Variants in DAB1 observed in about 807,000 individuals in gnomAD.
The protein encoded by DAB1 is DAB adaptor protein 1.
A neutral mutation model predicts 64.6 loss-of-function variants in DAB1; 15 were observed. The ratio of observed to expected loss-of-function variants is 0.23; its 90% CI spans 0.16 to 0.36. DAB1 has a LOEUF of 0.36. DAB1 is among the 10% of genes least tolerant of loss of function. The pLI, the probability that DAB1 is intolerant of heterozygous loss-of-function variation, is 1.00. For synonymous variants in DAB1, 235 were observed against 251.9 expected (o/e 0.93, Z 0.64); for missense variants, 596 against 706.7 (o/e 0.84, Z 1.78).
At chr1:58,084,495 A>G (rs970700930) in intron 5 of DAB1, 28 of 176,628 alleles carry the variant, frequency 1.6e-4, no homozygotes, top group African/African-American at 6.3e-4. Context: ...GTCCATGTAT[A>G]AAGAAATGCT....
At chr1:57,254,868 C>A (rs1669640812) in intron 2 of DAB1, among the ~76,000 whole-genome samples, 1 of 152,128 alleles carries the variant, frequency 6.6e-6, no homozygotes, top group East Asian at 1.9e-4. Flanking sequence ...CATACACACA[C>A]ACACACAATT....
At chr1:57,071,290 C>G in intron 6 of DAB1, 1 of 654,944 alleles carries the variant, frequency 1.5e-6, no homozygotes, top group Middle Eastern at 4.3e-4. Context: ...GGGTCCTCCA[C>G]CCCTGAAATC....
chr1:58,382,488 A>G (rs1380033838), intron 3 of DAB1, among the ~76,000 whole-genome samples: 6 of 152,242 alleles, frequency 3.9e-5, no homozygotes, highest in Non-Finnish European at 1.5e-5. Flanking sequence ...TGAATGATTC[A>G]TAGCCCTGAA....
rs574723098 is a variant in DAB1, at chr1:57,626,703, G to A, written n.625+22889C>T. Reference sequence around the variant, plus strand: ...CCAGCAGATTGGGTGTCTGGTGAGGGCCTGCTTCCTGCTTCACAGATAGCC... The same window carrying A: ...CCAGCAGATTGGGTGTCTGGTGAGGACCTGCTTCCTGCTTCACAGATAGCC... On this transcript the variant is annotated intron_variant and non_coding_transcript_variant, in intron 7 of 20. Transcript: ENST00000485760. Among the ~76,000 whole-genome samples, 3 of 152,248 alleles carry A rather than the reference G, an allele frequency of 2.0e-5. No individual in the cohort carries two copies. In the South Asian group the frequency reaches 6.2e-4, roughly 32 times the overall value.
intron 5 of DAB1, among the ~76,000 whole-genome samples, chr1:58,108,416 C>G (rs993653060): frequency 1.3e-5 from 2 of 152,194 alleles, no homozygotes; most frequent in Non-Finnish European, 2.9e-5. Flanking sequence ...ACAAAACTAA[C>G]AATAGTGGAT....
intron 7 of DAB1, among the ~76,000 whole-genome samples, chr1:57,500,148 G>C (rs1644274298): frequency 6.6e-6 from 1 of 152,216 alleles, no homozygotes; most frequent in South Asian, 2.1e-4. Context: ...TTCTGAATGA[G>C]AGATGTGGTC....
chr1:58,260,743 T>C (rs1479582130), intron 4 of DAB1, among the ~76,000 whole-genome samples: 1 of 152,196 alleles, frequency 6.6e-6, no homozygotes, highest in Non-Finnish European at 1.5e-5. Context: ...AATCTACCCC[T>C]CTGACTTCCG....
chr1:58,356,385 A>G (rs1228883836), intron 3 of DAB1, among the ~76,000 whole-genome samples: 1 of 152,232 alleles, frequency 6.6e-6, no homozygotes, highest in Non-Finnish European at 1.5e-5. Context: ...AGAGCGAGAC[A>G]AAAATATATA....
intron 7 of DAB1, among the ~76,000 whole-genome samples, chr1:57,589,616 G>C (rs1329271676): frequency 6.6e-6 from 1 of 152,046 alleles, no homozygotes; most frequent in Non-Finnish European, 1.5e-5. Context: ...AATTAGCCAG[G>C]TGTGGTGGTG....
At chr1:57,542,645 A>G (rs1644815458) in intron 7 of DAB1, among the ~76,000 whole-genome samples, 1 of 152,014 alleles carries the variant, frequency 6.6e-6, no homozygotes, top group Non-Finnish European at 1.5e-5. Context: ...ACCATTAAGC[A>G]GTTCCTTAAG....
chr1:57,815,300 C>T (rs866396852), intron 6 of DAB1, among the ~76,000 whole-genome samples: 90 of 152,182 alleles, frequency 5.9e-4, no homozygotes, highest in African/African-American at 2.0e-3. Context: ...GATCTCCTGA[C>T]CTCGTGATCT....
At chr1:57,497,734 G>A (rs1162758206) in intron 7 of DAB1, among the ~76,000 whole-genome samples, 2 of 152,216 alleles carry the variant, frequency 1.3e-5, no homozygotes, top group African/African-American at 2.4e-5. Flanking sequence ...TAATGGCAGA[G>A]GGCCGGTTTC....
intron 7 of DAB1, among the ~76,000 whole-genome samples, chr1:57,588,972 A>C (rs1477905905): frequency 6.6e-6 from 1 of 151,984 alleles, no homozygotes; most frequent in African/African-American, 2.4e-5. Flanking sequence ...GCGGTGGCTC[A>C]CGCCTGTAAT....
intron 4 of DAB1, among the ~76,000 whole-genome samples, chr1:58,300,656 G>A (rs1172825620): frequency 2.9e-5 from 3 of 102,384 alleles, no homozygotes; most frequent in African/African-American, 4.4e-5. Flanking sequence ...GAGGAAGGAA[G>A]GAAGGAAGGA....
intron 5 of DAB1, among the ~76,000 whole-genome samples, chr1:58,031,709 T>G (rs982428011): frequency 6.6e-6 from 1 of 152,162 alleles, no homozygotes; most frequent in Non-Finnish European, 1.5e-5. Context: ...ACAAAGCTAT[T>G]AACATGTGCC....
At chr1:58,377,967 C>G (rs1359887544) in intron 3 of DAB1, among the ~76,000 whole-genome samples, 2 of 141,830 alleles carry the variant, frequency 1.4e-5, no homozygotes, top group South Asian at 2.3e-4. Flanking sequence ...TCCAGTTGAT[C>G]GCATCGGCTC....
intron 3 of DAB1, among the ~76,000 whole-genome samples, chr1:58,366,088 C>A (rs1644214592): frequency 1.3e-5 from 2 of 152,204 alleles, no homozygotes. Context: ...CAATACAGTA[C>A]TATTCCTTAA....
intron 5 of DAB1, among the ~76,000 whole-genome samples, chr1:57,908,183 C>T (rs1460616092): frequency 6.6e-6 from 1 of 152,066 alleles, no homozygotes; most frequent in Admixed American, 6.6e-5. Flanking sequence ...ATTGAAACTT[C>T]CCTCCTACCA....
At chr1:57,641,106 CATA>C (rs1646122006) in intron 7 of DAB1, among the ~76,000 whole-genome samples, 7 of 152,234 alleles carry the variant, frequency 4.6e-5, no homozygotes, top group African/African-American at 1.7e-4. Context: ...ATCCTTAAAA[CATA>C]ATAATTATTT....
Sources: allele counts gnomAD v4.1 joint callset (sites outside exome capture counted in the v4.1 genomes callset), GRCh38; gene constraint gnomAD v4.1.1; transcripts MANE v1.5; gene names NCBI Gene and HGNC (gene_info 2026-07-23, HGNC 2026-07-21).